HDX: variants seen among roughly 807,000 people sequenced by gnomAD.
HDX encodes the protein chromosome X open reading frame 43.
A neutral mutation model predicts 45.2 loss-of-function variants in HDX; 19 were observed. That is an observed-to-expected ratio of 0.42 (90% CI 0.29 to 0.62). HDX has a LOEUF of 0.62. HDX is among the 20% of genes least tolerant of loss of function. The pLI is 0.20. For missense variants in HDX, 532 were observed against 493.9 expected, an observed-to-expected ratio of 1.08 and a Z score of -0.73; for synonymous variants, 188 against 172.8, an observed-to-expected ratio of 1.09 and a Z score of -0.69.
At chrX:84,429,797 A>G (rs951180084) in intron 5 of HDX, among the ~76,000 whole-genome samples, 1 of 110,680 alleles carries the variant, frequency 9.0e-6, no homozygotes, top group Non-Finnish European at 1.9e-5. Flanking sequence ...TATAACGTTA[A>G]GTACATGGTT....
At chrX:84,446,812 C>T (rs1037941689) in intron 4 of HDX, among the ~76,000 whole-genome samples, 7 of 111,996 alleles carry the variant, frequency 6.3e-5, no homozygotes, top group Non-Finnish European at 1.3e-4. Context: ...TTTTTATTTG[C>T]CTTGTTGCAC....
intron 6 of HDX, among the ~76,000 whole-genome samples, chrX:84,346,599 A>G (rs1385881523): frequency 1.8e-5 from 2 of 111,277 alleles, no homozygotes; most frequent in Non-Finnish European, 3.8e-5. Flanking sequence ...AGCTTAGCTG[A>G]CTTTTGACAA....
intron 5 of HDX, among the ~76,000 whole-genome samples, chrX:84,438,168 G>A (rs775422666): frequency 4.7e-4 from 52 of 110,913 alleles, no homozygotes; most frequent in African/African-American, 1.6e-3. Context: ...ACACCCTGTA[G>A]TTCCTCTAAT....
At chrX:84,437,016 C>T (rs142532654) in intron 5 of HDX, among the ~76,000 whole-genome samples, 425 of 110,275 alleles carry the variant, frequency 3.9e-3, no homozygotes, top group African/African-American at 0.013. Flanking sequence ...TGTGGGTCCT[C>T]CAGTATTGGA....
At chrX:84,408,505 T>TTG (rs201825068) in intron 5 of HDX, among the ~76,000 whole-genome samples, 74 of 95,072 alleles carry the variant, frequency 7.8e-4, no homozygotes, top group African/African-American at 2.3e-3. Flanking sequence ...CTTTGTTTTT[T>TTG]TTTTTTTTTT....
chrX:84,331,081 G>A (rs1380946208), intron 9 of HDX, among the ~76,000 whole-genome samples: 1 of 111,541 alleles, frequency 9.0e-6, no homozygotes, highest in Non-Finnish European at 1.9e-5. Context: ...ACATTGACCA[G>A]AGCTTTGATC....
At chrX:84,413,209 A>G (rs910564915) in intron 5 of HDX, among the ~76,000 whole-genome samples, 2 of 112,041 alleles carry the variant, frequency 1.8e-5, no homozygotes, top group African/African-American at 6.5e-5. Flanking sequence ...GCATTTTAGA[A>G]CTAAGACACT....
intron 6 of HDX, among the ~76,000 whole-genome samples, chrX:84,354,524 T>A (rs1173700628): frequency 4.4e-4 from 49 of 110,600 alleles, no homozygotes; most frequent in Non-Finnish European, 7.6e-5. Flanking sequence ...ATATAATAGG[T>A]ATAGTCTTTT....
At chrX:84,482,778 A>G (rs1392845732) in intron 2 of HDX, among the ~76,000 whole-genome samples, 1 of 111,768 alleles carries the variant, frequency 8.9e-6, no homozygotes, top group Non-Finnish European at 1.9e-5. Context: ...TTCCAGGATT[A>G]ACCCAAAAGT....
At chrX:84,431,038 A>G (rs2039494206) in intron 5 of HDX, among the ~76,000 whole-genome samples, 1 of 110,502 alleles carries the variant, frequency 9.0e-6, no homozygotes, top group African/African-American at 3.3e-5. Context: ...ACCTTCAAGT[A>G]GGTACTATTG....
intron 6 of HDX, among the ~76,000 whole-genome samples, chrX:84,350,284 T>C (rs1366708527): frequency 9.0e-6 from 1 of 111,304 alleles, no homozygotes; most frequent in East Asian, 2.8e-4. Context: ...CATGAGCACT[T>C]GAAAAGTGTG....
chrX:84,476,956 G>A (rs757331088), intron 2 of HDX, among the ~76,000 whole-genome samples: 5 of 112,233 alleles, frequency 4.5e-5, no homozygotes, highest in African/African-American at 1.6e-4. Flanking sequence ...CTGACTTTCT[G>A]AAGGGGATCT....
chrX:84,472,136 T>G (rs965980272), intron 3 of HDX, among the ~76,000 whole-genome samples: 1 of 110,311 alleles, frequency 9.1e-6, no homozygotes, highest in Admixed American at 9.7e-5. Flanking sequence ...TAACCTATTG[T>G]GTTCTCTTCA....
rs745316625 is a variant in HDX at position 84,468,731 on chromosome X, C to T, written c.992G>A (p.Ser331Asn). Residue 331 changes from serine (S) to asparagine (N), a missense_variant, in exon 4 of 11, where the codon AGT (serine) becomes AAT (asparagine). Transcript: ENST00000373177. ...PSYSRFYESG[S>N]SLRAENQSTT... ...ACTTTGGTTCTCAGCTCGAAGGGAA[C>T]TGCCACTTTCATAAAATCTCGAATA... The T allele has an allele frequency of 2.5e-6, 3 of 1,211,707 alleles. No individual in the cohort carries two copies. Among genetic ancestry groups the T allele is most frequent in the Admixed American group, 4.3e-5 (2 of 46,005 alleles).
At chrX:84,443,017 A>G (rs961804519) in intron 4 of HDX, among the ~76,000 whole-genome samples, 2 of 111,883 alleles carry the variant, frequency 1.8e-5, no homozygotes, top group Non-Finnish European at 3.8e-5. Context: ...CAAAACTCCT[A>G]TAAGCACATA....
intron 3 of HDX, among the ~76,000 whole-genome samples, chrX:84,472,410 A>G (rs188655273): frequency 2.7e-3 from 306 of 111,624 alleles, no homozygotes; most frequent in Non-Finnish European, 4.9e-3. Context: ...CACAAGATCC[A>G]TGTACTTCAC....
At chrX:84,421,946 T>C (rs2039263393) in intron 5 of HDX, among the ~76,000 whole-genome samples, 1 of 109,104 alleles carries the variant, frequency 9.2e-6, no homozygotes, top group Admixed American at 9.8e-5. Context: ...TGGGTTCCAA[T>C]ACAGTAATAA....
intron 2 of HDX, among the ~76,000 whole-genome samples, chrX:84,487,269 G>A (rs1303547360): frequency 8.9e-6 from 1 of 112,137 alleles, no homozygotes. Flanking sequence ...AGGGAGCATA[G>A]TTATAGTAGC....
At chrX:84,385,717 C>G (rs1448068357) in intron 5 of HDX, among the ~76,000 whole-genome samples, 1 of 110,374 alleles carries the variant, frequency 9.1e-6, no homozygotes, top group African/African-American at 3.3e-5. Flanking sequence ...ATCCTGAAAC[C>G]TTACTAAAAT....
Sources: allele counts gnomAD v4.1 joint callset (sites outside exome capture counted in the v4.1 genomes callset), GRCh38; gene constraint gnomAD v4.1.1; transcripts MANE v1.5; gene names NCBI Gene and HGNC (gene_info 2026-07-23, HGNC 2026-07-21).